The following PFKFB3 variants were observed in gnomAD, a reference collection of about 807,000 sequenced individuals.
PFKFB3 encodes the protein 6-phosphofructo-2-kinase/fructose-2,6-bisphosphatase 3.
PFKFB3 carries 33 observed loss-of-function variants against 68.0 expected under a neutral mutation model. The ratio of observed to expected loss-of-function variants is 0.49; its 90% CI spans 0.37 to 0.65. The LOEUF (loss-of-function observed/expected upper bound fraction) is 0.65. Ranked by LOEUF, PFKFB3 falls within the 30% of genes least tolerant of loss-of-function variation. PFKFB3 has a pLI of 0.00. For missense variants in PFKFB3, 586 were observed against 712.2 expected (o/e 0.82, Z 2.02); for synonymous variants, 315 against 288.2 (o/e 1.09, Z -0.94).
rs1483184669 is a variant in PFKFB3 at position 6,228,155 on chromosome 10, C to T, written c.1515+1790C>T. ...GGGCTTCGTCCCTGCAGATTGCGCC[C>T]TGCCTCCTGACTGACTTCTCTCTCT... On this transcript the variant is annotated intron_variant, in intron 14 of 14. Coordinates refer to ENST00000379775, the MANE Select transcript of PFKFB3 (RefSeq NM_004566.4). This position sits in a 1 kb window ranked among gnomAD's most constrained non-coding sequence, Gnocchi z 4.5. The T allele has an allele frequency of 6.2e-6, 10 of 1,612,296 alleles. No individual in the cohort carries two copies. Among genetic ancestry groups the T allele is most frequent in the Non-Finnish European group, 8.5e-6 (10 of 1,179,566 alleles).
At chr10:6,290,898 T>C in the PFKFB3 span, among the ~76,000 whole-genome samples, 1 of 152,368 alleles carries the variant, frequency 6.6e-6, no homozygotes, top group African/African-American at 2.4e-5. Context: ...GTTTGGTATC[T>C]GTCATTAATT....
the PFKFB3 span, among the ~76,000 whole-genome samples, chr10:6,290,880 G>T: frequency 1.3e-5 from 2 of 151,918 alleles, no homozygotes; most frequent in Admixed American, 6.6e-5. Flanking sequence ...GAGCTTCCTG[G>T]TTTTGTGGTT....
At chr10:6,193,347 C>T (rs939733418) in intron 1 of PFKFB3, among the ~76,000 whole-genome samples, 2 of 152,074 alleles carry the variant, frequency 1.3e-5, no homozygotes, top group African/African-American at 4.8e-5. Flanking sequence ...AGAGCCAGAC[C>T]CTGTCTCAAA....
At chr10:6,146,258 T>C in intron 1 of PFKFB3, 1 of 1,462,430 alleles carries the variant, frequency 6.8e-7, no homozygotes, top group Non-Finnish European at 9.0e-7. Flanking sequence ...AGCGTGATGC[T>C]ACGGTTGCCT....
At chr10:6,311,272 T>C in the PFKFB3 span, among the ~76,000 whole-genome samples, 1 of 152,120 alleles carries the variant, frequency 6.6e-6, no homozygotes, top group Non-Finnish European at 1.5e-5. Flanking sequence ...GATTTCCAAT[T>C]TCCCATGCTC....
chr10:6,226,098 T>C, intron 13 of PFKFB3, 94 bp from the exon 14 acceptor site: 3 of 1,180,550 alleles, frequency 2.5e-6, no homozygotes, highest in Non-Finnish European at 3.6e-6. Flanking sequence ...TTTGCCTCTC[T>C]AAAATCCAGG....
chr10:6,277,242 C>CT, the PFKFB3 span, among the ~76,000 whole-genome samples: 4,708 of 149,568 alleles, frequency 0.031, 244 homozygotes, highest in African/African-American at 0.11. Context: ...CTTTTCTTTT[C>CT]TTTTTTTTTG....
chr10:6,307,657 G>A, the PFKFB3 span, among the ~76,000 whole-genome samples: 2 of 148,178 alleles, frequency 1.3e-5, no homozygotes, highest in African/African-American at 2.5e-5. Context: ...CATGATGGTT[G>A]TCTGTATTGT....
At chr10:6,242,547 T>A (rs1846162553) in intron 14 of PFKFB3, among the ~76,000 whole-genome samples, 1 of 151,688 alleles carries the variant, frequency 6.6e-6, no homozygotes, top group Admixed American at 6.7e-5. Flanking sequence ...ACCTGTGGGA[T>A]GAAACTGTTC....
At chr10:6,291,468 C>T in the PFKFB3 span, among the ~76,000 whole-genome samples, 2 of 151,616 alleles carry the variant, frequency 1.3e-5, no homozygotes, top group Non-Finnish European at 2.9e-5. Flanking sequence ...AGGAGAATTG[C>T]TCAAGCCCAA....
At chr10:6,176,053 A>C (rs947056345) in intron 1 of PFKFB3, among the ~76,000 whole-genome samples, 1 of 152,238 alleles carries the variant, frequency 6.6e-6, no homozygotes, top group African/African-American at 2.4e-5. Flanking sequence ...AGAGCCCCCA[A>C]ACGGAAAGAA....
At chr10:6,266,437 T>C in the PFKFB3 span, among the ~76,000 whole-genome samples, 12 of 152,290 alleles carry the variant, frequency 7.9e-5, no homozygotes, top group African/African-American at 2.9e-4. Flanking sequence ...GTCTCAGCTC[T>C]AAGACTGTCG....
chr10:6,279,330 C>T, the PFKFB3 span, among the ~76,000 whole-genome samples: 6 of 152,260 alleles, frequency 3.9e-5, no homozygotes, highest in East Asian at 1.9e-4. Flanking sequence ...TATCTAACAT[C>T]GTATGCATAT....
the PFKFB3 span, among the ~76,000 whole-genome samples, chr10:6,260,832 A>C: frequency 4.6e-5 from 7 of 152,176 alleles, no homozygotes; most frequent in African/African-American, 1.7e-4. Context: ...TACTATTATG[A>C]ATAATGATTC....
chr10:6,255,400 A>C (rs1435952114), downstream of PFKFB3, among the ~76,000 whole-genome samples: 1 of 152,268 alleles, frequency 6.6e-6, no homozygotes, highest in African/African-American at 2.4e-5. Flanking sequence ...CTGGGATTAC[A>C]GGCGTGAGCC....
intron 14 of PFKFB3, among the ~76,000 whole-genome samples, chr10:6,244,166 C>T (rs936318449): frequency 1.3e-5 from 2 of 152,184 alleles, no homozygotes; most frequent in Admixed American, 6.5e-5. Flanking sequence ...CTGGTGTCAG[C>T]GATTTCTTCC....
chr10:6,189,885 T>A (rs1842978782), intron 1 of PFKFB3, among the ~76,000 whole-genome samples: 1 of 152,178 alleles, frequency 6.6e-6, no homozygotes, highest in Non-Finnish European at 1.5e-5. Flanking sequence ...CACTATTTTG[T>A]CCCTTTGTGA....
chr10:6,233,142 C>T lies in PFKFB3; in HGVS notation c.*200C>T, dbSNP rs1845848300. On this transcript the variant is annotated 3_prime_UTR_variant, in exon 15 of 15. Coordinates refer to ENST00000379775, the MANE Select transcript of PFKFB3 (RefSeq NM_004566.4). ...TGGACACCAGAAAGCCACGTGGGTC[C>T]CTGGCGCCCTGCCTTTAGCCGTGGG... 3 of 559,742 alleles carry T rather than the reference C, an allele frequency of 5.4e-6. No individual in the cohort carries two copies. Among genetic ancestry groups the T allele is most frequent in the Non-Finnish European group, 9.6e-6 (3 of 311,884 alleles). 34.7% of individuals were successfully genotyped at this position (559,742 alleles called of 1,614,324 possible).
At chr10:6,272,684 G>T in the PFKFB3 span, among the ~76,000 whole-genome samples, 3 of 152,006 alleles carry the variant, frequency 2.0e-5, no homozygotes, top group Non-Finnish European at 4.4e-5. Context: ...GACAGAGGGA[G>T]ACTCTGTCTC....
Sources: gnomAD v4.1 joint callset for allele counts (sites outside exome capture counted in the v4.1 genomes callset) on GRCh38, gnomAD v4.1.1 for gene constraint, Gnocchi (gnomAD v3.1) non-coding constraint, MANE v1.5 for transcripts, NCBI Gene and HGNC (gene_info 2026-07-23, HGNC 2026-07-21) for gene names.